HTR2C: variants seen among roughly 807,000 people sequenced by gnomAD.
HTR2C encodes the protein 5-hydroxytryptamine receptor 2C.
A neutral mutation model predicts 21.0 loss-of-function variants in HTR2C; 5 were observed. That is an observed-to-expected ratio of 0.24 (90% CI 0.12 to 0.50). HTR2C has a LOEUF of 0.50. Ranked by LOEUF, HTR2C falls within the 20% of genes least tolerant of loss-of-function variation. The pLI is 0.98. For synonymous variants in HTR2C, 150 were observed against 145.3 expected (o/e 1.03, Z -0.23); for missense variants, 271 against 371.2 (o/e 0.73, Z 2.22).
chrX:114,722,797 G>A (rs782441658), intron 2 of HTR2C, among the ~76,000 whole-genome samples: 3 of 107,455 alleles, frequency 2.8e-5, no homozygotes, highest in South Asian at 8.5e-4. Context: ...CTTTGGTTCT[G>A]TTTATATGCT....
intron 2 of HTR2C, among the ~76,000 whole-genome samples, chrX:114,636,703 C>T (rs150747159): frequency 2.1e-3 from 232 of 111,850 alleles, no homozygotes; most frequent in Non-Finnish European, 3.4e-3. Context: ...TGGAGTCTAC[C>T]TCTGACTAAT....
At chrX:114,638,368 A>G (rs1556405675) in intron 2 of HTR2C, among the ~76,000 whole-genome samples, 5 of 111,406 alleles carry the variant, frequency 4.5e-5, no homozygotes, top group Non-Finnish European at 9.4e-5. Context: ...CAGAGGTATG[A>G]GATGTTATAT....
intron 2 of HTR2C, among the ~76,000 whole-genome samples, chrX:114,619,607 A>C (rs1340207108): frequency 9.1e-6 from 1 of 110,437 alleles, no homozygotes; most frequent in Non-Finnish European, 1.9e-5. Flanking sequence ...CTCTCCTAAT[A>C]CTTACATCAC....
intron 1 of HTR2C, among the ~76,000 whole-genome samples, chrX:114,603,570 G>A (rs1251675068): frequency 6.5e-4 from 66 of 100,948 alleles, no homozygotes; most frequent in Non-Finnish European, 1.1e-3. Context: ...ATTGGCAGAG[G>A]GAGCACGTGT....
intron 4 of HTR2C, among the ~76,000 whole-genome samples, chrX:114,798,105 C>T (rs1474883577): frequency 9.0e-6 from 1 of 110,937 alleles, no homozygotes; most frequent in African/African-American, 3.3e-5. Context: ...ATTTGGACAG[C>T]TCTATATTCC....
At chrX:114,665,077 G>T (rs1931127331) in intron 2 of HTR2C, among the ~76,000 whole-genome samples, 1 of 112,157 alleles carries the variant, frequency 8.9e-6, no homozygotes, top group Non-Finnish European at 1.9e-5. Context: ...TGCAATGGCA[G>T]AACAGTGAGT....
At chrX:114,753,951 T>C (rs2069786045) in intron 4 of HTR2C, among the ~76,000 whole-genome samples, 1 of 111,490 alleles carries the variant, frequency 9.0e-6, no homozygotes. Context: ...GAGGTCAAAA[T>C]GTCGGTAGGA....
At chrX:114,815,742 A>G (rs1332207034) in intron 4 of HTR2C, among the ~76,000 whole-genome samples, 2 of 108,322 alleles carry the variant, frequency 1.8e-5, no homozygotes, top group Non-Finnish European at 3.8e-5. Context: ...ATAAGGCAGC[A>G]ATAAATATTT....
chrX:114,640,258 A>G (rs1192463100), intron 2 of HTR2C, among the ~76,000 whole-genome samples: 1 of 111,898 alleles, frequency 8.9e-6, no homozygotes, highest in East Asian at 2.8e-4. Context: ...AGAATTGGAT[A>G]TTGTCAGTCT....
chrX:114,888,404 T>C (rs782534697), intron 5 of HTR2C, among the ~76,000 whole-genome samples: 16 of 111,690 alleles, frequency 1.4e-4, no homozygotes, highest in African/African-American at 5.2e-4. Context: ...ACTGTATGAG[T>C]AGAGATCAAG....
At chrX:114,831,689 G>A (rs1556461066) in intron 4 of HTR2C, among the ~76,000 whole-genome samples, 2 of 107,887 alleles carry the variant, frequency 1.9e-5, no homozygotes, top group Non-Finnish European at 1.9e-5. Flanking sequence ...CTGTGCAGAA[G>A]CTCTTTAGTT....
At chrX:114,789,447 C>T (rs2070209823) in intron 4 of HTR2C, among the ~76,000 whole-genome samples, 1 of 111,819 alleles carries the variant, frequency 8.9e-6, no homozygotes, top group African/African-American at 3.3e-5. Flanking sequence ...GAATTTAAAG[C>T]TTTCGAAAGT....
At chrX:114,831,420 G>C (rs1556460885) in intron 4 of HTR2C, among the ~76,000 whole-genome samples, 1 of 98,356 alleles carries the variant, frequency 1.0e-5, no homozygotes, top group Admixed American at 1.2e-4. Context: ...TCTCCTAGTG[G>C]TTTTGATTTG....
At chrX:114,889,089 C>G (rs949135833) in intron 5 of HTR2C, among the ~76,000 whole-genome samples, 1 of 111,820 alleles carries the variant, frequency 8.9e-6, no homozygotes, top group African/African-American at 3.2e-5. Context: ...TGTAGTAACT[C>G]TGGAAATTAG....
At position 114,736,136 on chromosome X, in the gene HTR2C, A is replaced by G. The variant is rs782171948; in HGVS notation, c.349+4529A>G. 1.8e-3 allele frequency among the ~76,000 whole-genome samples: 201 copies of G among 111,029 alleles called. 1 individual carries two copies. The highest frequency in any genetic ancestry group is 6.2e-3 in the African/African-American group (190 of 30,634). ...TCAAAAAAAAAAAAGAGAAAAGAAA[A>G]CATAATGCACTTAACATTATATGAT... On this transcript the variant is annotated intron_variant, in intron 4 of 5. Transcript: ENST00000276198.
At chrX:114,674,070 C>T (rs1931472045) in intron 2 of HTR2C, among the ~76,000 whole-genome samples, 1 of 112,246 alleles carries the variant, frequency 8.9e-6, no homozygotes. Flanking sequence ...TTTCCAAAGA[C>T]CATGCCTCAA....
At chrX:114,659,826 C>T (rs1278611222) in intron 2 of HTR2C, among the ~76,000 whole-genome samples, 1 of 111,226 alleles carries the variant, frequency 9.0e-6, no homozygotes, top group East Asian at 2.8e-4. Context: ...TGATAATTTC[C>T]TCATTTTGAT....
chrX:114,810,472 G>A (rs782069464), intron 4 of HTR2C, among the ~76,000 whole-genome samples: 2 of 109,512 alleles, frequency 1.8e-5, no homozygotes, highest in South Asian at 8.5e-4. Context: ...TTTGCCTCTA[G>A]CTAGGGCTCA....
chrX:114,742,714 T>TC (rs2069660881), intron 4 of HTR2C, among the ~76,000 whole-genome samples: 1 of 64,330 alleles, frequency 1.6e-5, no homozygotes, highest in African/African-American at 5.7e-5. Context: ...AGCTACTGTT[T>TC]TTTTTTTTTT....
Sources: gnomAD v4.1 joint callset for allele counts (sites outside exome capture counted in the v4.1 genomes callset) on GRCh38, gnomAD v4.1.1 for gene constraint, MANE v1.5 for transcripts, NCBI Gene and HGNC (gene_info 2026-07-23, HGNC 2026-07-21) for gene names.